Variants in GLCCI1 observed in about 807,000 individuals in gnomAD.
GLCCI1 encodes glucocorticoid-induced transcript 1 protein.
Under a neutral mutation model 52.2 loss-of-function variants are expected in GLCCI1, and 24 were observed. That is an observed-to-expected ratio of 0.46 (90% CI 0.33 to 0.65). The LOEUF (loss-of-function observed/expected upper bound fraction) is 0.65. Ranked by LOEUF, GLCCI1 falls within the 30% of genes least tolerant of loss-of-function variation. The pLI is 0.02. For missense variants in GLCCI1, 704 were observed against 701.5 expected (o/e 1.00, Z -0.04); for synonymous variants, 310 against 276.5 (o/e 1.12, Z -1.20).
At chr7:8,068,797 G>C (rs1782690006) in intron 5 of GLCCI1, among the ~76,000 whole-genome samples, 1 of 152,210 alleles carries the variant, frequency 6.6e-6, no homozygotes, top group South Asian at 2.1e-4. Context: ...AATTTGTACA[G>C]TCGGTTGACT....
At chr7:8,059,867 T>C (rs1288985832) in intron 4 of GLCCI1, among the ~76,000 whole-genome samples, 1 of 152,234 alleles carries the variant, frequency 6.6e-6, no homozygotes, top group Non-Finnish European at 1.5e-5. Flanking sequence ...CAGGTATACC[T>C]TTATACTTAC....
intron 3 of GLCCI1, among the ~76,000 whole-genome samples, chr7:8,048,559 C>T (rs1161450682): frequency 6.6e-6 from 1 of 152,152 alleles, no homozygotes; most frequent in Non-Finnish European, 1.5e-5. Flanking sequence ...GGGGAACATA[C>T]ATGAGTCTTT....
At chr7:8,027,595 G>A (rs1409352602) in intron 3 of GLCCI1, among the ~76,000 whole-genome samples, 2 of 151,710 alleles carry the variant, frequency 1.3e-5, no homozygotes, top group African/African-American at 4.8e-5. Flanking sequence ...TAATAAAATG[G>A]CAGGAGTAAG....
rs2115397025 is a variant in GLCCI1, at chr7:7,969,825, C to T, written c.457+18C>T. On this transcript the variant is annotated intron_variant, in intron 1 of 7. Transcript: ENST00000223145. This position sits in a 1 kb window ranked among gnomAD's most constrained non-coding sequence, Gnocchi z 4.9. ...GTGCAGAGGTAGCGAGCCCAACCCTCCCGTCCTCCCGGGCTGCGTCTCCCC... is the reference window on the plus strand; with the variant it reads ...GTGCAGAGGTAGCGAGCCCAACCCTTCCGTCCTCCCGGGCTGCGTCTCCCC... 9.8e-6 allele frequency: 14 copies of T among 1,425,966 alleles called. No individual in the cohort carries two copies. Among genetic ancestry groups the T allele is most frequent in the African/African-American group, 6.0e-5 (4 of 66,970 alleles). 88.3% of individuals were successfully genotyped at this position (1,425,966 alleles called of 1,614,324 possible).
At chr7:8,085,279 T>C (rs1013023740) in intron 7 of GLCCI1, among the ~76,000 whole-genome samples, 3 of 152,218 alleles carry the variant, frequency 2.0e-5, no homozygotes, top group African/African-American at 7.2e-5. Flanking sequence ...TCATTAAGAA[T>C]TGTCATTTCA....
At chr7:8,059,590 A>G (rs557787266) in intron 4 of GLCCI1, among the ~76,000 whole-genome samples, 1 of 152,222 alleles carries the variant, frequency 6.6e-6, no homozygotes, top group African/African-American at 2.4e-5. Context: ...TGAACTTAGC[A>G]TAATACTGTT....
At chr7:8,041,637 C>G (rs1782000908) in intron 3 of GLCCI1, among the ~76,000 whole-genome samples, 1 of 152,178 alleles carries the variant, frequency 6.6e-6, no homozygotes, top group Non-Finnish European at 1.5e-5. Context: ...CTCTGTCACC[C>G]AGGCTGGAGT....
At chr7:8,016,017 TA>T (rs1781370143) in intron 2 of GLCCI1, among the ~76,000 whole-genome samples, 1 of 152,236 alleles carries the variant, frequency 6.6e-6, no homozygotes. Context: ...ATAACACTCT[TA>T]CTCTGGTCCC....
In GLCCI1 at chr7:8,065,378, T is replaced by G. The variant is rs74326511; in HGVS notation, c.966+5130T>G. On this transcript the variant is annotated intron_variant, in intron 5 of 7. Transcript: ENST00000223145. ...GGATCATGTGCCTTTACTCTTCCTA[T>G]TTGTGGCTGTCTTTTATTTCTTTCT... Among the ~76,000 whole-genome samples, 1,060 of 152,302 alleles carry G rather than the reference T, an allele frequency of 7.0e-3. 9 individuals carry two copies. The highest frequency in any genetic ancestry group is 0.024 in the African/African-American group (988 of 41,560).
At chr7:7,983,048 G>A (rs1237822450) in intron 1 of GLCCI1, among the ~76,000 whole-genome samples, 1 of 152,078 alleles carries the variant, frequency 6.6e-6, no homozygotes, top group Non-Finnish European at 1.5e-5. Flanking sequence ...TAAACATGTG[G>A]TCAAAAAATA....
At chr7:7,987,749 G>A (rs1780763882) in intron 1 of GLCCI1, among the ~76,000 whole-genome samples, 1 of 152,006 alleles carries the variant, frequency 6.6e-6, no homozygotes, top group African/African-American at 2.4e-5. Context: ...CGCCATGTCT[G>A]GCTAATTTAT....
At chr7:8,071,343 G>A (rs540674417) in intron 6 of GLCCI1, among the ~76,000 whole-genome samples, 5 of 152,106 alleles carry the variant, frequency 3.3e-5, no homozygotes, top group East Asian at 1.9e-4. Flanking sequence ...GAAGCACAGC[G>A]CATGGTTCTA....
intron 1 of GLCCI1, chr7:7,970,012 C>A: frequency 2.1e-6 from 1 of 472,392 alleles, no homozygotes; most frequent in Non-Finnish European, 3.0e-6. Context: ...CATGCCGCCC[C>A]TCAGAGTCTC....
intron 4 of GLCCI1, among the ~76,000 whole-genome samples, chr7:8,056,141 T>TA (rs1782392773): frequency 6.6e-6 from 1 of 151,330 alleles, no homozygotes; most frequent in East Asian, 2.0e-4. Flanking sequence ...CTACTAAAAA[T>TA]ACAAAAAAAT....
chr7:7,969,024 C>A lies in GLCCI1; in HGVS notation c.-327C>A. 6.1e-6 allele frequency: 1 copy of A among 164,830 alleles called. No individual in the cohort carries two copies. The highest frequency in any genetic ancestry group is 1.3e-5 in the Non-Finnish European group (1 of 75,862). The allele number at this position is 164,830 out of a possible 1,614,324, so 10.2% of individuals were successfully genotyped here. On this transcript the variant is annotated 5_prime_UTR_variant, in exon 1 of 8. Transcript: ENST00000223145. This position sits in a 1 kb window ranked among gnomAD's most constrained non-coding sequence, Gnocchi z 4.9. ...GGCCCTCGGGGCTGCGTGATCCGGGCCGTTGCCCTGTCAGCACGATGCCTG... is the reference window on the plus strand; with the variant it reads ...GGCCCTCGGGGCTGCGTGATCCGGGACGTTGCCCTGTCAGCACGATGCCTG...
rs773329803 is a variant in GLCCI1 at position 8,004,084 on chromosome 7, C to G, written c.609+25C>G. The G allele has an allele frequency of 1.9e-6, 3 of 1,599,810 alleles. No individual in the cohort carries two copies. The African/African-American group carries it at 4.0e-5, about 21-fold the overall frequency. The stretch of plus-strand genomic sequence containing the variant: ...GGTAAAATCAGGAAATCAAAATCAG[C>G]TTATTACCCTGCACTTCTTCTGTTT... On this transcript the variant is annotated intron_variant, in intron 2 of 7. Coordinates refer to ENST00000223145, the MANE Select transcript of GLCCI1 (RefSeq NM_138426.4).
intron 4 of GLCCI1, 53 bp downstream of exon 4, chr7:8,055,602 A>G: frequency 5.8e-6 from 6 of 1,031,222 alleles, no homozygotes; most frequent in South Asian, 1.3e-5. Context: ...TCATTAAGGA[A>G]GGGAATTCAT....
At chr7:8,016,316 A>G (rs1781379792) in intron 2 of GLCCI1, among the ~76,000 whole-genome samples, 1 of 152,116 alleles carries the variant, frequency 6.6e-6, no homozygotes, top group South Asian at 2.1e-4. Context: ...AAAAATACAA[A>G]AAATTAGCCG....
intron 2 of GLCCI1, among the ~76,000 whole-genome samples, chr7:8,005,708 T>G (rs1462512503): frequency 3.3e-5 from 5 of 152,196 alleles, no homozygotes; most frequent in African/African-American, 1.2e-4. Context: ...TGGTAGCTAT[T>G]CTTTTTAGAT....
Sources: allele counts gnomAD v4.1 joint callset (sites outside exome capture counted in the v4.1 genomes callset), GRCh38; gene constraint gnomAD v4.1.1; non-coding constraint Gnocchi (gnomAD v3.1); transcripts MANE v1.5; gene names NCBI Gene and HGNC (gene_info 2026-07-23, HGNC 2026-07-21).